GAS7: variants seen among roughly 807,000 people sequenced by gnomAD.
GAS7 encodes the protein growth arrest specific 7.
In GAS7, 28 loss-of-function variants were observed where a neutral mutation model predicts 71.1. That is an observed-to-expected ratio of 0.39 (90% CI 0.29 to 0.54). GAS7 has a LOEUF of 0.54. Among genes scored for constraint, GAS7 ranks in the 20% least tolerant of loss-of-function variants. The pLI is 0.62. For missense variants in GAS7, 436 were observed against 627.8 expected (o/e 0.69, Z 3.27); for synonymous variants, 258 against 245.8 (o/e 1.05, Z -0.46).
chr17:9,971,886 A>G (rs1371156172), intron 3 of GAS7, among the ~76,000 whole-genome samples: 1 of 152,164 alleles, frequency 6.6e-6, no homozygotes, highest in Non-Finnish European at 1.5e-5. Context: ...AGCGTTGGGC[A>G]ATGGGATGAT....
chr17:9,940,887 G>A (rs972224054), intron 7 of GAS7, among the ~76,000 whole-genome samples: 1 of 152,216 alleles, frequency 6.6e-6, no homozygotes, highest in African/African-American at 2.4e-5. Flanking sequence ...GTTGTCAGAG[G>A]TATTGTTCAC....
intron 1 of GAS7, among the ~76,000 whole-genome samples, chr17:10,093,989 T>G (rs1351695040): frequency 6.6e-6 from 1 of 152,236 alleles, no homozygotes; most frequent in African/African-American, 2.4e-5. Flanking sequence ...GGGAACTTCC[T>G]TAACCCATGG....
intron 1 of GAS7, chr17:10,059,587 A>T: frequency 1.9e-6 from 1 of 524,958 alleles, no homozygotes; most frequent in Non-Finnish European, 2.4e-6. Flanking sequence ...TCCAAGGAAG[A>T]TTTCTCCTCC....
intron 1 of GAS7, among the ~76,000 whole-genome samples, chr17:10,193,533 C>T (rs9914768): frequency 0.068 from 10,352 of 152,184 alleles, 741 homozygotes; most frequent in East Asian, 0.22. Flanking sequence ...ACTACTTTCC[C>T]AATAGAATGT....
intron 1 of GAS7, among the ~76,000 whole-genome samples, chr17:10,172,199 A>T (rs1246163646): frequency 6.6e-6 from 1 of 152,196 alleles, no homozygotes; most frequent in East Asian, 1.9e-4. Flanking sequence ...TGTGTAAAAG[A>T]AGTCTCTAAA....
chr17:9,925,886 C>G (rs1174916559), intron 10 of GAS7, among the ~76,000 whole-genome samples: 1 of 152,274 alleles, frequency 6.6e-6, no homozygotes, highest in Non-Finnish European at 1.5e-5. Context: ...GACTGGGGAC[C>G]TAGGCAGTCC....
chr17:10,024,179 C>A, intron 1 of GAS7, among the ~76,000 whole-genome samples: 1 of 152,096 alleles, frequency 6.6e-6, no homozygotes, highest in Non-Finnish European at 1.5e-5. Flanking sequence ...TCTGCGAAGG[C>A]AGAAGTTAGA....
At chr17:10,128,474 T>C (rs1360841818) in intron 1 of GAS7, among the ~76,000 whole-genome samples, 2 of 152,146 alleles carry the variant, frequency 1.3e-5, no homozygotes, top group Non-Finnish European at 2.9e-5. Flanking sequence ...GATCATTGAA[T>C]TCCAAAGCTA....
At chr17:10,129,413 T>C (rs1197413362) in intron 1 of GAS7, among the ~76,000 whole-genome samples, 1 of 152,078 alleles carries the variant, frequency 6.6e-6, no homozygotes, top group Non-Finnish European at 1.5e-5. Flanking sequence ...CACATGCCTG[T>C]AGTCCCAGCT....
intron 3 of GAS7, among the ~76,000 whole-genome samples, chr17:9,977,716 C>G (rs976718021): frequency 8.0e-5 from 10 of 125,716 alleles, no homozygotes; most frequent in Non-Finnish European, 1.4e-4. Context: ...ACCCAACATT[C>G]AAAGACTGGA....
intron 1 of GAS7, among the ~76,000 whole-genome samples, chr17:10,071,264 T>C (rs1195220457): frequency 6.6e-6 from 1 of 152,152 alleles, no homozygotes; most frequent in Non-Finnish European, 1.5e-5. Context: ...GCAAGTGGCT[T>C]TGCACATCTG....
At position 9,969,728 on chromosome 17, in the gene GAS7, G is replaced by A. The variant is rs371076412; in HGVS notation, c.420C>T (p.His140=). Residue 140 remains histidine, a synonymous_variant, in exon 4 of 14, where the codon CAC becomes CAT. Transcript: ENST00000432992. The surrounding 1 kb of genome is among the most constrained non-coding windows in gnomAD (Gnocchi z 5.5). ...NGYHASGTPA[H]PPETAHMSVR... ...CACTCATGTGGGCAGTCTCTGGAGG[G>A]TGCGCTGGGGTCCCTGATGCGTGGT... 1.2e-6 allele frequency: 2 copies of A among 1,612,494 alleles called. No homozygotes were observed. The highest frequency in any genetic ancestry group is 4.5e-5 in the East Asian group (2 of 44,872).
intron 1 of GAS7, among the ~76,000 whole-genome samples, chr17:10,135,470 C>G (rs1422360336): frequency 6.6e-6 from 1 of 152,208 alleles, no homozygotes; most frequent in East Asian, 1.9e-4. Context: ...ACCAGAAAGT[C>G]CAGGGACTGA....
At chr17:10,196,314 C>A (rs2074540142) in intron 1 of GAS7, among the ~76,000 whole-genome samples, 1 of 152,204 alleles carries the variant, frequency 6.6e-6, no homozygotes, top group Admixed American at 6.5e-5. Flanking sequence ...GCTTGCTTGT[C>A]TATAAAATGG....
chr17:9,961,540 G>A (rs2069494972), intron 4 of GAS7, among the ~76,000 whole-genome samples: 1 of 152,226 alleles, frequency 6.6e-6, no homozygotes, highest in Non-Finnish European at 1.5e-5. Flanking sequence ...AGGGGAACCA[G>A]CACTCCAGCA....
chr17:10,086,045 A>AG (rs2073515729), intron 1 of GAS7, among the ~76,000 whole-genome samples: 1 of 152,116 alleles, frequency 6.6e-6, no homozygotes, highest in African/African-American at 2.4e-5. Context: ...CAACATATTG[A>AG]GGGGGGTCAA....
Position 9,913,067 on chromosome 17 carries a change from T to C in GAS7, c.*4161A>G, listed in dbSNP as rs942241176. On this transcript the variant is annotated 3_prime_UTR_variant, in exon 14 of 14. Coordinates refer to ENST00000432992, the MANE Select transcript of GAS7 (RefSeq NM_201433.2). ...AAAGAGGGCAGGAGAAGGGAATTTT[T>C]TGGAGGGTTAAAAACAGGTTGATCT... The C allele has an allele frequency of 4.3e-6, 1 of 232,604 alleles. No homozygotes were observed. The highest frequency in any genetic ancestry group is 2.2e-5 in the African/African-American group (1 of 45,376). The allele number at this position is 232,604 out of a possible 1,614,324, so 14.4% of individuals were successfully genotyped here.
intron 3 of GAS7, among the ~76,000 whole-genome samples, chr17:9,973,006 C>A (rs530314274): frequency 6.6e-6 from 1 of 152,084 alleles, no homozygotes; most frequent in Non-Finnish European, 1.5e-5. Context: ...AACTTAAGAT[C>A]TGGGGAAAAA....
chr17:10,121,849 G>A (rs2073906757), intron 1 of GAS7, among the ~76,000 whole-genome samples: 1 of 152,080 alleles, frequency 6.6e-6, no homozygotes, highest in Admixed American at 6.5e-5. Flanking sequence ...CTCAGAAGAT[G>A]CCTGGGTGCC....
Sources: gnomAD v4.1 joint callset for allele counts (sites outside exome capture counted in the v4.1 genomes callset) on GRCh38, gnomAD v4.1.1 for gene constraint, Gnocchi (gnomAD v3.1) non-coding constraint, MANE v1.5 for transcripts, NCBI Gene and HGNC (gene_info 2026-07-23, HGNC 2026-07-21) for gene names.